Variants in TAFA2 observed in about 807,000 individuals in gnomAD.
The protein encoded by TAFA2 is chemokine-like protein TAFA-2.
Under a neutral mutation model 18.8 loss-of-function variants are expected in TAFA2, and 7 were observed. The ratio of observed to expected loss-of-function variants is 0.37; its 90% confidence interval spans 0.21 to 0.70. The LOEUF (loss-of-function observed/expected upper bound fraction) is 0.70. Among genes scored for constraint, TAFA2 ranks in the 30% least tolerant of loss-of-function variants. The pLI, the probability that TAFA2 is intolerant of heterozygous loss-of-function variation, is 0.53. For synonymous variants in TAFA2, 60 were observed against 54.2 expected (o/e 1.11, Z -0.47); for missense variants, 122 against 158.1 (o/e 0.77, Z 1.23).
intron 4 of TAFA2, among the ~76,000 whole-genome samples, chr12:61,739,875 A>G (rs1485335772): frequency 3.3e-5 from 5 of 152,038 alleles, no homozygotes; most frequent in Non-Finnish European, 7.4e-5. Context: ...CTGTCGGCCA[A>G]TGTGTCTGAG....
At chr12:61,861,848 T>A (rs1297306015) in intron 2 of TAFA2, among the ~76,000 whole-genome samples, 2 of 152,204 alleles carry the variant, frequency 1.3e-5, no homozygotes, top group Middle Eastern at 3.2e-3. Context: ...ATTTAAAAAA[T>A]TTTGTTTTTC....
chr12:61,758,574 A>T (rs554824665), intron 2 of TAFA2, among the ~76,000 whole-genome samples: 1 of 152,008 alleles, frequency 6.6e-6, no homozygotes, highest in South Asian at 2.1e-4. Context: ...ACCTGATTTC[A>T]TCTATTTTTC....
chr12:62,108,139 T>C (rs1249842764), intron 1 of TAFA2, among the ~76,000 whole-genome samples: 1 of 151,896 alleles, frequency 6.6e-6, no homozygotes, highest in African/African-American at 2.4e-5. Context: ...CCTCCTCTAG[T>C]CCCCCACCCC....
chr12:62,236,777 T>A (rs2062839723), intron 1 of TAFA2, among the ~76,000 whole-genome samples: 1 of 152,230 alleles, frequency 6.6e-6, no homozygotes, highest in South Asian at 2.1e-4. Context: ...GTCATCCAAC[T>A]TCCTCCTGGC....
At chr12:61,899,588 T>C (rs376068863) in intron 1 of TAFA2, among the ~76,000 whole-genome samples, 2 of 152,132 alleles carry the variant, frequency 1.3e-5, no homozygotes, top group East Asian at 1.9e-4. Context: ...GAGAACAACA[T>C]GGGAATCTGT....
At chr12:62,089,211 G>A (rs918816130) in intron 1 of TAFA2, among the ~76,000 whole-genome samples, 1 of 152,046 alleles carries the variant, frequency 6.6e-6, no homozygotes, top group African/African-American at 2.4e-5. Flanking sequence ...TACACCTCTT[G>A]TTACACAATG....
At chr12:62,194,321 ACACACATAC>A (rs2062639822), upstream of TAFA2, among the ~76,000 whole-genome samples, 1 of 7,358 alleles carries the variant, frequency 1.4e-4, no homozygotes, top group African/African-American at 3.9e-4. Flanking sequence ...ACACACACAC[ACACACATAC>A]AAAAAAACAT....
At chr12:62,081,196 CA>C (rs956695000) in intron 1 of TAFA2, among the ~76,000 whole-genome samples, 2 of 151,234 alleles carry the variant, frequency 1.3e-5, no homozygotes, top group Non-Finnish European at 3.0e-5. Context: ...CTCCATCTCA[CA>C]AAAAAAATTC....
chr12:62,058,937 A>T (rs1486857854), intron 1 of TAFA2, among the ~76,000 whole-genome samples: 2 of 152,124 alleles, frequency 1.3e-5, no homozygotes, highest in Non-Finnish European at 2.9e-5. Flanking sequence ...CCCCGTCTCT[A>T]CTAAAAATAC....
intron 4 of TAFA2, among the ~76,000 whole-genome samples, chr12:61,748,000 C>A (rs1274385315): frequency 6.6e-6 from 1 of 151,960 alleles, no homozygotes; most frequent in Admixed American, 6.6e-5. Flanking sequence ...AAGTTAGCAG[C>A]GGCTATCAGT....
chr12:61,744,192 G>T (rs1868588841), intron 4 of TAFA2, among the ~76,000 whole-genome samples: 1 of 152,228 alleles, frequency 6.6e-6, no homozygotes, highest in Admixed American at 6.5e-5. Flanking sequence ...GCCTAAAGAT[G>T]TACCTTGCAG....
At chr12:62,005,313 A>G (rs140819314) in intron 1 of TAFA2, among the ~76,000 whole-genome samples, 1,592 of 152,202 alleles carry the variant, frequency 0.01, 27 homozygotes, top group African/African-American at 0.037. Context: ...CACAATATAA[A>G]TGAATAAATG....
chr12:62,204,355 C>T (rs1437829942), intron 1 of TAFA2, among the ~76,000 whole-genome samples: 1 of 152,024 alleles, frequency 6.6e-6, no homozygotes, highest in Non-Finnish European at 1.5e-5. Flanking sequence ...CTGGTGTTCT[C>T]TGGATTTCGT....
chr12:61,954,438 T>C (rs1304344709), intron 1 of TAFA2, among the ~76,000 whole-genome samples: 1 of 152,098 alleles, frequency 6.6e-6, no homozygotes, highest in Non-Finnish European at 1.5e-5. Flanking sequence ...AAAATATAAT[T>C]TAAAGTTAAT....
chr12:62,179,473 G>A (rs1030910947), intron 1 of TAFA2, among the ~76,000 whole-genome samples: 1 of 152,092 alleles, frequency 6.6e-6, no homozygotes, highest in Admixed American at 6.6e-5. Context: ...TTTTCCAAGG[G>A]CTGATAGCTA....
chr12:62,118,127 T>C (rs1370795338), intron 1 of TAFA2, among the ~76,000 whole-genome samples: 3 of 152,092 alleles, frequency 2.0e-5, no homozygotes, highest in African/African-American at 7.2e-5. Flanking sequence ...CCAAATTTCA[T>C]CCCATACTCA....
chr12:62,074,979 G>A (rs1882725386), intron 1 of TAFA2, among the ~76,000 whole-genome samples: 1 of 152,066 alleles, frequency 6.6e-6, no homozygotes. Flanking sequence ...TGGGATTACA[G>A]GCGTGAGCCA....
At chr12:62,168,862 A>T (rs576293630) in intron 1 of TAFA2, among the ~76,000 whole-genome samples, 3 of 151,920 alleles carry the variant, frequency 2.0e-5, no homozygotes, top group Non-Finnish European at 4.4e-5. Context: ...CAAACAAAAC[A>T]GGCATATCAA....
At chr12:61,830,182 C>A (rs1020872879) in intron 2 of TAFA2, among the ~76,000 whole-genome samples, 2 of 149,712 alleles carry the variant, frequency 1.3e-5, no homozygotes, top group Admixed American at 6.7e-5. Context: ...TGGATAAATG[C>A]TATATATATA....
Sources: gnomAD v4.1 joint callset for allele counts (sites outside exome capture counted in the v4.1 genomes callset) on GRCh38, gnomAD v4.1.1 for gene constraint, MANE v1.5 for transcripts, NCBI Gene and HGNC (gene_info 2026-07-23, HGNC 2026-07-21) for gene names.